The following ADAMTSL1 variants were observed in gnomAD, a reference collection of about 807,000 sequenced individuals.
ADAMTSL1 encodes ADAMTS-like protein 1.
In ADAMTSL1, 126 loss-of-function variants were observed where a neutral mutation model predicts 201.8. That is an observed-to-expected ratio of 0.62 (90% CI 0.54 to 0.72). The LOEUF is 0.72. Among genes scored for constraint, ADAMTSL1 ranks in the 30% least tolerant of loss-of-function variants. The probability of loss-of-function intolerance (pLI) is 0.00; values close to 1 mark genes in which losing one functional copy is unlikely to be tolerated. For missense variants in ADAMTSL1, 2,679 were observed against 2,277.8 expected, an observed-to-expected ratio of 1.18 and a Z score of -3.59; for synonymous variants, 1,121 against 903.4, an observed-to-expected ratio of 1.24 and a Z score of -4.32.
intron 4 of ADAMTSL1, among the ~76,000 whole-genome samples, chr9:18,602,390 G>C (rs1357134251): frequency 1.3e-5 from 2 of 152,192 alleles, no homozygotes; most frequent in Non-Finnish European, 2.9e-5. Flanking sequence ...TTTCTTAATG[G>C]ATTCCAGCAA....
intron 2 of ADAMTSL1, among the ~76,000 whole-genome samples, chr9:18,175,526 C>G (rs890450474): frequency 3.3e-5 from 5 of 152,228 alleles, no homozygotes; most frequent in African/African-American, 1.2e-4. Context: ...TCCTACTTAA[C>G]TCTAATCTTG....
rs1834480177 is a variant in ADAMTSL1 at position 18,318,147 on chromosome 9, G to C, written c.207+154166G>C. On this transcript the variant is annotated intron_variant, in intron 2 of 29. Transcript: ENST00000680146. ...TGCAAAGTGTGTCATAAGTGATTTA[G>C]TAAATGTGGGCTATTTTTATGTTAT... Among the ~76,000 whole-genome samples the C allele has an allele frequency of 1.3e-5, 2 of 152,204 alleles. 1 individual carries two copies. The highest frequency in any genetic ancestry group is 4.2e-4 in the South Asian group (2 of 4,814).
intron 7 of ADAMTSL1, among the ~76,000 whole-genome samples, chr9:18,640,808 G>C (rs1293404379): frequency 1.3e-5 from 2 of 151,984 alleles, no homozygotes; most frequent in African/African-American, 2.4e-5. Flanking sequence ...TGCTGCCACT[G>C]CGTTAGCGCA....
At chr9:17,986,709 T>C (rs1818942488) in intron 1 of ADAMTSL1, among the ~76,000 whole-genome samples, 1 of 152,080 alleles carries the variant, frequency 6.6e-6, no homozygotes, top group South Asian at 2.1e-4. Flanking sequence ...AAACCCTAAC[T>C]GACAGTGTGG....
intron 23 of ADAMTSL1, among the ~76,000 whole-genome samples, chr9:18,865,590 A>G (rs920762007): frequency 2.0e-5 from 3 of 152,154 alleles, no homozygotes; most frequent in African/African-American, 7.2e-5. Flanking sequence ...AACTTTTCAT[A>G]CTTTCCAGCT....
chr9:18,384,257 G>C (rs1009272323), intron 2 of ADAMTSL1, among the ~76,000 whole-genome samples: 2 of 152,086 alleles, frequency 1.3e-5, no homozygotes, highest in African/African-American at 4.8e-5. Context: ...AAACAGGAGA[G>C]ACAGCGAGTG....
chr9:18,617,497 T>G (rs1213756189), intron 4 of ADAMTSL1, among the ~76,000 whole-genome samples: 5 of 104,114 alleles, frequency 4.8e-5, no homozygotes, highest in Admixed American at 1.1e-4. Flanking sequence ...TTTTTTTTTT[T>G]GGCAGGGGGG....
At chr9:17,938,795 T>C (rs1469356262) in intron 1 of ADAMTSL1, among the ~76,000 whole-genome samples, 1 of 152,134 alleles carries the variant, frequency 6.6e-6, no homozygotes, top group African/African-American at 2.4e-5. Context: ...TTTTCCTAAT[T>C]ATGAAGCTAT....
intron 7 of ADAMTSL1, among the ~76,000 whole-genome samples, chr9:18,643,092 T>C (rs565453636): frequency 6.6e-6 from 1 of 152,196 alleles, no homozygotes; most frequent in African/African-American, 2.4e-5. Flanking sequence ...TGCCAATACT[T>C]ACCTTTTGTC....
At chr9:18,636,777 A>G (rs1587759920) in intron 6 of ADAMTSL1, among the ~76,000 whole-genome samples, 1 of 152,288 alleles carries the variant, frequency 6.6e-6, no homozygotes. Flanking sequence ...GGGAGGGGAT[A>G]TGGTAGCATT....
intron 2 of ADAMTSL1, among the ~76,000 whole-genome samples, chr9:18,405,193 C>T (rs1818138249): frequency 6.6e-6 from 1 of 152,154 alleles, no homozygotes. Context: ...AACACAAATC[C>T]TTATTTCCAA....
At position 18,168,118 on chromosome 9, in the gene ADAMTSL1, GT is replaced by G. The variant is rs907753143; in HGVS notation, c.207+4147del. 7.0e-3 allele frequency among the ~76,000 whole-genome samples: 1,053 copies of G among 149,418 alleles called. 4 individuals carry two copies. The highest frequency in any genetic ancestry group is 0.011 in the Non-Finnish European group (736 of 67,008). On this transcript the variant is annotated intron_variant, in intron 2 of 29. Coordinates refer to the ADAMTSL1 transcript ENST00000680146. ...TGACCATTATATTTTTTCTTAACTA[GT>G]TTTTTTTTTAATACTTTAAGTTTTA...
At chr9:18,467,243 G>A (rs1038186091) in intron 2 of ADAMTSL1, among the ~76,000 whole-genome samples, 6 of 152,110 alleles carry the variant, frequency 3.9e-5, no homozygotes, top group African/African-American at 7.2e-5. Flanking sequence ...TTTTGTGGGG[G>A]AACAGAAAAC....
chr9:18,769,940 T>C (rs968086745), intron 16 of ADAMTSL1, among the ~76,000 whole-genome samples: 3 of 152,222 alleles, frequency 2.0e-5, no homozygotes, highest in Non-Finnish European at 4.4e-5. Context: ...CCCTGGATCA[T>C]AACTATTCAG....
intron 2 of ADAMTSL1, among the ~76,000 whole-genome samples, chr9:18,226,269 A>G (rs1239902094): frequency 6.6e-6 from 1 of 152,064 alleles, no homozygotes; most frequent in Non-Finnish European, 1.5e-5. Flanking sequence ...TATACCCTTC[A>G]TCGTAGCAGA....
At chr9:18,857,259 T>C (rs1826918179) in intron 23 of ADAMTSL1, among the ~76,000 whole-genome samples, 1 of 152,246 alleles carries the variant, frequency 6.6e-6, no homozygotes. Flanking sequence ...GCCCAGTGCA[T>C]ATTCCTTCAA....
chr9:18,587,148 CAGAGT>C (rs1437394251), intron 4 of ADAMTSL1, among the ~76,000 whole-genome samples: 2 of 152,188 alleles, frequency 1.3e-5, no homozygotes, highest in African/African-American at 4.8e-5. Flanking sequence ...AAACTATCAA[CAGAGT>C]AAACAGATAA....
At position 18,384,650 on chromosome 9, in the gene ADAMTSL1, A is replaced by G. The variant is rs144142908; in HGVS notation, c.208-120179A>G. Among the ~76,000 whole-genome samples, 144 of 152,194 alleles carry G rather than the reference A, an allele frequency of 9.5e-4. 2 individuals carry two copies. The highest frequency in any genetic ancestry group is 3.3e-3 in the African/African-American group (136 of 41,528). On this transcript the variant is annotated intron_variant, in intron 2 of 29. Coordinates refer to the ADAMTSL1 transcript ENST00000680146. ...TTTGCCTCCTGTAACTTCATAGGCAATCTTGCCATCTGCTGAATTGTGGTT... is the reference window on the plus strand; with the variant it reads ...TTTGCCTCCTGTAACTTCATAGGCAGTCTTGCCATCTGCTGAATTGTGGTT...
intron 1 of ADAMTSL1, among the ~76,000 whole-genome samples, chr9:18,047,730 C>A (rs66516931): frequency 0.068 from 10,364 of 152,064 alleles, 489 homozygotes; most frequent in African/African-American, 0.13. Flanking sequence ...AGACATTGAA[C>A]GCAGGCAAAG....
Sources: allele counts gnomAD v4.1 joint callset (sites outside exome capture counted in the v4.1 genomes callset), GRCh38; gene constraint gnomAD v4.1.1; transcripts MANE v1.5; gene names NCBI Gene and HGNC (gene_info 2026-07-23, HGNC 2026-07-21).